GDA: variants seen among roughly 807,000 people sequenced by gnomAD.
The protein encoded by GDA is guanine deaminase.
GDA carries 18 observed loss-of-function variants against 59.6 expected under a neutral mutation model. That is an observed-to-expected ratio of 0.30 (90% CI 0.21 to 0.45). The LOEUF (loss-of-function observed/expected upper bound fraction) is 0.45. Among genes scored for constraint, GDA ranks in the 20% least tolerant of loss-of-function variants. GDA has a pLI of 1.00. For missense variants in GDA, 427 were observed against 552.3 expected, an observed-to-expected ratio of 0.77 and a Z score of 2.27; for synonymous variants, 201 against 201.1, an observed-to-expected ratio of 1.00 and a Z score of 0.00.
At chr9:72,191,443 A>G (rs1832524845) in intron 1 of GDA, among the ~76,000 whole-genome samples, 1 of 152,150 alleles carries the variant, frequency 6.6e-6, no homozygotes, top group Non-Finnish European at 1.5e-5. Flanking sequence ...GGACTGGGCA[A>G]AAGTACAGGG....
At position 72,227,087 on chromosome 9, in the gene GDA, C is replaced by T. The variant is rs561141411; in HGVS notation, c.823-856C>T. ...GAGTCGAGATTGCGCCACTGCACTCCAGCCTGGGCGACAGAGTGAGACTCT... is the reference window on the plus strand; with the variant it reads ...GAGTCGAGATTGCGCCACTGCACTCTAGCCTGGGCGACAGAGTGAGACTCT... On this transcript the variant is annotated intron_variant, in intron 8 of 13. Transcript: ENST00000358399. 5.3e-5 allele frequency among the ~76,000 whole-genome samples: 8 copies of T among 152,220 alleles called. No homozygotes were observed. The South Asian group carries it at 1.7e-3, about 32-fold the overall frequency.
chr9:72,159,903 G>A (rs1320901035), intron 1 of GDA, among the ~76,000 whole-genome samples: 1 of 152,046 alleles, frequency 6.6e-6, no homozygotes, highest in Non-Finnish European at 1.5e-5. Flanking sequence ...AGTAAAAAAT[G>A]CATAACTTAA....
chr9:72,259,607 A>G (rs1366660710), downstream of GDA, among the ~76,000 whole-genome samples: 1 of 152,082 alleles, frequency 6.6e-6, no homozygotes, highest in Non-Finnish European at 1.5e-5. Context: ...GGCTCTGGAG[A>G]TGGTGTGTGA....
At chr9:72,163,814 G>C (rs983251078) in intron 1 of GDA, among the ~76,000 whole-genome samples, 1 of 152,220 alleles carries the variant, frequency 6.6e-6, no homozygotes, top group Admixed American at 6.5e-5. Context: ...AGTCACAGGA[G>C]ATTGTTTCAG....
chr9:72,181,614 C>T (rs537767691), intron 1 of GDA, among the ~76,000 whole-genome samples: 6 of 152,224 alleles, frequency 3.9e-5, no homozygotes, highest in African/African-American at 7.2e-5. Flanking sequence ...CGTGAGCCAC[C>T]GCGCCTGGCC....
chr9:72,181,381 A>T (rs1587511393), intron 1 of GDA, among the ~76,000 whole-genome samples: 1 of 152,086 alleles, frequency 6.6e-6, no homozygotes. Context: ...GCTGGAGTGC[A>T]GTGGCGCGAT....
rs764117314 is a variant in GDA, at chr9:72,245,145, T to C, written c.1136-3T>C. On this transcript the variant is annotated splice_region_variant and splice_polypyrimidine_tract_variant and intron_variant, in intron 11 of 13. Transcript: ENST00000358399. ...TGACTGTTTATTCACTTGTTCTCAA[T>C]AGCCCTGGGGCTGGATGGTGAGATT... 2.5e-6 allele frequency: 4 copies of C among 1,613,666 alleles called. No individual in the cohort carries two copies. Among genetic ancestry groups the C allele is most frequent in the Non-Finnish European group, 3.4e-6 (4 of 1,179,640 alleles).
At chr9:72,164,042 A>G (rs1293486437) in intron 1 of GDA, among the ~76,000 whole-genome samples, 1 of 152,174 alleles carries the variant, frequency 6.6e-6, no homozygotes, top group Non-Finnish European at 1.5e-5. Flanking sequence ...CCAGCCAGGG[A>G]GGGTGGATCC....
At chr9:72,216,426 C>A (rs1309184402) in intron 5 of GDA, among the ~76,000 whole-genome samples, 1 of 152,038 alleles carries the variant, frequency 6.6e-6, no homozygotes, top group African/African-American at 2.4e-5. Context: ...GTGGAAACAA[C>A]CAAAATGTTC....
At chr9:72,134,142 G>A (rs115438629) in intron 1 of GDA, among the ~76,000 whole-genome samples, 1,796 of 152,180 alleles carry the variant, frequency 0.012, 28 homozygotes, top group African/African-American at 0.041. Context: ...GCCAGTTTTG[G>A]GCTGAAGTAG....
intron 8 of GDA, among the ~76,000 whole-genome samples, chr9:72,226,903 G>C (rs915863163): frequency 6.6e-6 from 1 of 152,106 alleles, no homozygotes; most frequent in Non-Finnish European, 1.5e-5. Flanking sequence ...AGATCACGAG[G>C]TCAGGAGATC....
downstream of GDA, among the ~76,000 whole-genome samples, chr9:72,252,798 A>G (rs886655250): frequency 1.3e-5 from 2 of 152,110 alleles, no homozygotes; most frequent in Non-Finnish European, 2.9e-5. Context: ...GGTGGCAGAT[A>G]TGTTACTTTA....
At chr9:72,171,055 A>G (rs1451103995) in intron 1 of GDA, among the ~76,000 whole-genome samples, 1 of 152,062 alleles carries the variant, frequency 6.6e-6, no homozygotes, top group Non-Finnish European at 1.5e-5. Flanking sequence ...GAGCTCTGGC[A>G]GTCCTCCCGC....
At chr9:72,235,876 G>GT (rs1190796649) in intron 10 of GDA, among the ~76,000 whole-genome samples, 3 of 152,024 alleles carry the variant, frequency 2.0e-5, no homozygotes, top group African/African-American at 7.2e-5. Context: ...ACACTCATCT[G>GT]AAGGAAAAAT....
At chr9:72,115,911 G>A (rs1825421574) in intron 1 of GDA, among the ~76,000 whole-genome samples, 2 of 152,168 alleles carry the variant, frequency 1.3e-5, no homozygotes, top group Admixed American at 1.3e-4. Context: ...CATATGCCAA[G>A]GTTTTACCTA....
At chr9:72,242,081 C>T (rs1465073802) in intron 11 of GDA, among the ~76,000 whole-genome samples, 1 of 152,160 alleles carries the variant, frequency 6.6e-6, no homozygotes, top group East Asian at 1.9e-4. Context: ...TTATTCATTT[C>T]GTTTTACAAA....
At chr9:72,182,480 G>A (rs982418079) in intron 1 of GDA, among the ~76,000 whole-genome samples, 1 of 152,160 alleles carries the variant, frequency 6.6e-6, no homozygotes, top group Admixed American at 6.5e-5. Flanking sequence ...AGGGACATCG[G>A]AGAAATGATG....
At chr9:72,197,408 G>C (rs1833324260) in intron 2 of GDA, 1 of 152,156 alleles carries the variant, frequency 6.6e-6, no homozygotes, top group South Asian at 2.1e-4. Context: ...AAGAATCTAT[G>C]ATGAGGAGCA....
At chr9:72,176,684 A>G (rs921519661) in intron 1 of GDA, among the ~76,000 whole-genome samples, 3 of 152,202 alleles carry the variant, frequency 2.0e-5, no homozygotes, top group East Asian at 1.9e-4. Flanking sequence ...TGTTCATGAA[A>G]TTGAAAGCTC....
Sources: gnomAD v4.1 joint callset for allele counts (sites outside exome capture counted in the v4.1 genomes callset) on GRCh38, gnomAD v4.1.1 for gene constraint, MANE v1.5 for transcripts, NCBI Gene and HGNC (gene_info 2026-07-23, HGNC 2026-07-21) for gene names.